SNRPD3: variants seen among roughly 807,000 people sequenced by gnomAD.
SNRPD3 encodes the protein small nuclear ribonucleoprotein D3 polypeptide.
For missense variants in SNRPD3, 73 were observed against 167.5 expected, an observed-to-expected ratio of 0.44 and a Z score of 3.11; for synonymous variants, 66 against 58.4, an observed-to-expected ratio of 1.13 and a Z score of -0.59.
intron 2 of SNRPD3, 27 bp downstream of exon 2, chr22:24,557,827 G>A (rs762456162): frequency 2.5e-6 from 4 of 1,594,610 alleles, no homozygotes; most frequent in Non-Finnish European, 3.4e-6. Flanking sequence ...GTGAGGCTGT[G>A]TGGGAGGAAT....
At chr22:24,563,539 A>G (rs1242739756) in intron 2 of SNRPD3, among the ~76,000 whole-genome samples, 1 of 152,158 alleles carries the variant, frequency 6.6e-6, no homozygotes, top group African/African-American at 2.4e-5. Context: ...CTGTTGGCAT[A>G]AGTGAGAAAA....
At chr22:24,561,900 G>A (rs768512586) in intron 2 of SNRPD3, among the ~76,000 whole-genome samples, 22 of 152,196 alleles carry the variant, frequency 1.4e-4, no homozygotes, top group Non-Finnish European at 1.8e-4. Flanking sequence ...TCAGGTGGAG[G>A]CTGAGTTGGG....
At chr22:24,557,371 C>T (rs549609297) in intron 1 of SNRPD3, among the ~76,000 whole-genome samples, 1 of 152,158 alleles carries the variant, frequency 6.6e-6, no homozygotes, top group Non-Finnish European at 1.5e-5. Context: ...GATTAAGGGA[C>T]ATAGGGTAGC....
rs2045272123 is a variant in SNRPD3 at position 24,574,349 on chromosome 22, TAGGG to T, written c.*2373_*2376del. Among the ~76,000 whole-genome samples the T allele has an allele frequency of 6.6e-6, 1 of 152,196 alleles. No homozygotes were observed. The highest frequency in any genetic ancestry group is 2.4e-5 in the African/African-American group (1 of 41,448). On this transcript the variant is annotated 3_prime_UTR_variant, in exon 4 of 4. Coordinates refer to ENST00000215829, the MANE Select transcript of SNRPD3 (RefSeq NM_004175.5). The stretch of plus-strand genomic sequence containing the variant: ...GTAAACAGTTTTATATCCTGCATCT[TAGGG>T]GGGAAAATCAGTTGACGCAGATTGA...
chr22:24,557,071 C>T (rs777943371), intron 1 of SNRPD3, among the ~76,000 whole-genome samples: 7 of 152,222 alleles, frequency 4.6e-5, no homozygotes, highest in Admixed American at 6.5e-5. Context: ...TCTGTATCTG[C>T]ACCTTCCATA....
At chr22:24,566,919 C>G (rs1477645319) in intron 2 of SNRPD3, among the ~76,000 whole-genome samples, 1 of 152,222 alleles carries the variant, frequency 6.6e-6, no homozygotes. Flanking sequence ...CCCTATTGAT[C>G]TTTCCTCTAT....
chr22:24,565,029 A>G (rs950209865), intron 2 of SNRPD3, among the ~76,000 whole-genome samples: 4 of 151,724 alleles, frequency 2.6e-5, no homozygotes, highest in African/African-American at 9.7e-5. Context: ...GACCACAGGC[A>G]TGCACCACCA....
chr22:24,562,573 G>C (rs1309505185), intron 2 of SNRPD3, among the ~76,000 whole-genome samples: 1 of 151,998 alleles, frequency 6.6e-6, no homozygotes, highest in African/African-American at 2.4e-5. Context: ...ATCTGGATGT[G>C]ATGGCTTATG....
intron 2 of SNRPD3, among the ~76,000 whole-genome samples, chr22:24,567,746 C>CAA (rs113889996): frequency 2.4e-5 from 2 of 82,344 alleles, no homozygotes; most frequent in Non-Finnish European, 6.4e-5. Context: ...AACTCCATCT[C>CAA]AAAAAAAAAA....
rs374932593 is a variant in SNRPD3, at chr22:24,570,939, C to T, written c.320-977C>T. ...GTTCAAGTGATTCTCTTGCCTCAGC[C>T]TCCCAAGTAACTGGGATTACAGGCG... On this transcript the variant is annotated intron_variant, in intron 3 of 3. Transcript: ENST00000215829. Among the ~76,000 whole-genome samples, 3 of 150,928 alleles carry T rather than the reference C, an allele frequency of 2.0e-5. No homozygotes were observed. The South Asian group carries it at 6.3e-4, about 32-fold the overall frequency.
At chr22:24,558,927 A>G (rs976268939) in intron 2 of SNRPD3, among the ~76,000 whole-genome samples, 1 of 152,160 alleles carries the variant, frequency 6.6e-6, no homozygotes, top group African/African-American at 2.4e-5. Flanking sequence ...CACTCCTCAT[A>G]GCCTGTTCTC....
At chr22:24,563,020 C>T (rs2045158432) in intron 2 of SNRPD3, among the ~76,000 whole-genome samples, 3 of 152,110 alleles carry the variant, frequency 2.0e-5, no homozygotes, top group Non-Finnish European at 4.4e-5. Context: ...TTTTATGGTC[C>T]CTCAAGTAGT....
At chr22:24,558,718 G>A (rs1346266547) in intron 2 of SNRPD3, among the ~76,000 whole-genome samples, 1 of 152,220 alleles carries the variant, frequency 6.6e-6, no homozygotes, top group African/African-American at 2.4e-5. Flanking sequence ...AAGGAGGATT[G>A]AGCAGGAAGA....
intron 2 of SNRPD3, among the ~76,000 whole-genome samples, chr22:24,562,979 A>G (rs1355979039): frequency 6.6e-6 from 1 of 152,240 alleles, no homozygotes; most frequent in Admixed American, 6.5e-5. Context: ...ATTAGATGAT[A>G]TCCTCGACAA....
chr22:24,569,843 C>T (rs1156874687), intron 3 of SNRPD3, among the ~76,000 whole-genome samples: 1 of 152,204 alleles, frequency 6.6e-6, no homozygotes, highest in African/African-American at 2.4e-5. Flanking sequence ...TGAAGAGATG[C>T]ATAGGGTGAG....
rs949132126 is a variant in SNRPD3 at position 24,567,847 on chromosome 22, C to T, written c.127-137C>T. The T allele has an allele frequency of 1.1e-5, 7 of 650,442 alleles. No homozygotes were observed. In the East Asian group the frequency reaches 1.1e-4, roughly 10 times the overall value. The allele number at this position is 650,442 out of a possible 1,614,324, so 40.3% of individuals were successfully genotyped here. A position where few individuals can be genotyped will look rare whatever the true frequency, so the allele number is the denominator to read the frequency against. ...AGTCCCTGGTGTACACAGTTAGTAC[C>T]GATGATTGCTGGGTAATTCACCAGC... On this transcript the variant is annotated intron_variant, in intron 2 of 3. Coordinates refer to ENST00000215829, the MANE Select transcript of SNRPD3 (RefSeq NM_004175.5).
At chr22:24,556,136 C>T (rs951371393) in intron 1 of SNRPD3, 65 bp downstream of exon 1, 20 of 514,038 alleles carry the variant, frequency 3.9e-5, no homozygotes, top group Non-Finnish European at 5.2e-5. Flanking sequence ...TGGAGAAAGA[C>T]TTGCTGCATG....
Position 24,557,674 on chromosome 22 carries a change from G to A in SNRPD3, c.-1G>A. The A allele has an allele frequency of 6.2e-7, 1 of 1,612,220 alleles. No homozygotes were observed. Among genetic ancestry groups the A allele is most frequent in the Non-Finnish European group, 8.5e-7 (1 of 1,178,954 alleles). ...CATTGTAGAACTCTCTTCCTGCCAA[G>A]ATGTCTATTGGTGTGCCGATTAAAG... On this transcript the variant is annotated 5_prime_UTR_variant, in exon 2 of 4. Coordinates refer to ENST00000215829, the MANE Select transcript of SNRPD3 (RefSeq NM_004175.5).
chr22:24,557,543 T>A lies in SNRPD3; in HGVS notation c.-18-114T>A, dbSNP rs1313105500. The A allele has an allele frequency of 1.0e-5, 7 of 688,248 alleles. No individual in the cohort carries two copies. In the African/African-American group the frequency reaches 1.3e-4, roughly 13 times the overall value. 42.6% of individuals were successfully genotyped at this position (688,248 alleles called of 1,614,324 possible). The stretch of plus-strand genomic sequence containing the variant: ...TTTTTTCCTTGGTAGAAAATGCAGC[T>A]TTGGTGTTTTTGCTAAGTTTTATGG... On this transcript the variant is annotated intron_variant, in intron 1 of 3. Coordinates refer to ENST00000215829, the MANE Select transcript of SNRPD3 (RefSeq NM_004175.5).
Sources: allele counts gnomAD v4.1 joint callset (sites outside exome capture counted in the v4.1 genomes callset), GRCh38; gene constraint gnomAD v4.1.1; transcripts MANE v1.5; gene names NCBI Gene and HGNC (gene_info 2026-07-23, HGNC 2026-07-21).